ZNF184: variants seen among roughly 807,000 people sequenced by gnomAD.
ZNF184 encodes the protein zinc finger protein 184.
In ZNF184, 16 loss-of-function variants were observed where a neutral mutation model predicts 54.4. That is an observed-to-expected ratio of 0.29 (90% CI 0.20 to 0.45). ZNF184 has a LOEUF of 0.45. ZNF184 is among the 20% of genes least tolerant of loss of function. ZNF184 has a pLI of 1.00. For missense variants in ZNF184, 681 were observed against 888.2 expected (o/e 0.77, Z 2.97); for synonymous variants, 254 against 295.3 (o/e 0.86, Z 1.43).
the ZNF184 span, among the ~76,000 whole-genome samples, chr6:27,410,292 C>G: frequency 1.2e-4 from 18 of 152,180 alleles, no homozygotes; most frequent in Non-Finnish European, 2.4e-4. Context: ...TACTCCAGTT[C>G]TGCCGACTCC....
chr6:27,422,897 C>T, the ZNF184 span, among the ~76,000 whole-genome samples: 72 of 152,322 alleles, frequency 4.7e-4, no homozygotes, highest in Non-Finnish European at 1.2e-4. Context: ...CCCTCGTCCG[C>T]CGGATTCAGT....
At chr6:27,444,221 G>A in the ZNF184 span, among the ~76,000 whole-genome samples, 2 of 151,994 alleles carry the variant, frequency 1.3e-5, no homozygotes, top group Non-Finnish European at 2.9e-5. Context: ...GAAGCAATCA[G>A]GACAGAACTT....
At chr6:27,422,751 G>A in the ZNF184 span, among the ~76,000 whole-genome samples, 3 of 152,096 alleles carry the variant, frequency 2.0e-5, no homozygotes, top group African/African-American at 7.2e-5. Flanking sequence ...GTTACTATCT[G>A]TTCCCCGCAG....
At chr6:27,438,274 G>T in the ZNF184 span, among the ~76,000 whole-genome samples, 1 of 152,096 alleles carries the variant, frequency 6.6e-6, no homozygotes, top group South Asian at 2.1e-4. Flanking sequence ...AGATTGTGAA[G>T]TCTTGAGAAC....
In ZNF184 at chr6:27,453,266, A is replaced by C. The variant is rs767554739; in HGVS notation, c.299-6T>G. The C allele has an allele frequency of 2.6e-6, 4 of 1,566,978 alleles. No individual in the cohort carries two copies. In the East Asian group the frequency reaches 9.0e-5, roughly 35 times the overall value. Reference sequence around the variant, plus strand: ...TTCAAGTCTTGTCTCCCAGTCTAAAAGAAAAAGAAAATTCCAGTGTTCTCT... The same window carrying C: ...TTCAAGTCTTGTCTCCCAGTCTAAACGAAAAAGAAAATTCCAGTGTTCTCT... On this transcript the variant is annotated splice_region_variant and splice_polypyrimidine_tract_variant and intron_variant, in intron 5 of 5. Coordinates refer to ENST00000683788, the MANE Select transcript of ZNF184 (RefSeq NM_001318891.2). This position sits in a 1 kb window ranked among gnomAD's most constrained non-coding sequence, Gnocchi z 4.7.
At chr6:27,433,988 T>TCCTCTCCCTC in the ZNF184 span, among the ~76,000 whole-genome samples, 68 of 147,840 alleles carry the variant, frequency 4.6e-4, no homozygotes, top group African/African-American at 1.2e-3. Flanking sequence ...CTTCCTTCCT[T>TCCTCTCCCTC]CCTTCCTCTC....
At chr6:27,412,540 A>G in the ZNF184 span, among the ~76,000 whole-genome samples, 1 of 152,242 alleles carries the variant, frequency 6.6e-6, no homozygotes, top group Non-Finnish European at 1.5e-5. Context: ...AAGCCACTCC[A>G]TAAGTCAGTA....
rs561143383 is a variant in ZNF184 at position 27,451,210 on chromosome 6, G to A, written c.*93C>T. 6.7e-5 allele frequency: 94 copies of A among 1,406,716 alleles called. No homozygotes were observed. The highest frequency in any genetic ancestry group is 2.2e-4 in the Middle Eastern group (1 of 4,566). The allele number at this position is 1,406,716 out of a possible 1,614,324, so 87.1% of individuals were successfully genotyped here. A position where few individuals can be genotyped will look rare whatever the true frequency, so the allele number is the denominator to read the frequency against. On this transcript the variant is annotated 3_prime_UTR_variant, in exon 6 of 6. Coordinates refer to ENST00000683788, the MANE Select transcript of ZNF184 (RefSeq NM_001318891.2). ...TAGTGAAAATTTAAAAGATTTCAAGGCAGTTTCTAAATCCACTCTGATTCT... is the reference window on the plus strand; with the variant it reads ...TAGTGAAAATTTAAAAGATTTCAAGACAGTTTCTAAATCCACTCTGATTCT...
chr6:27,448,251 T>C (rs1383647200), downstream of ZNF184, among the ~76,000 whole-genome samples: 1 of 152,180 alleles, frequency 6.6e-6, no homozygotes, highest in Non-Finnish European at 1.5e-5. Context: ...CTCACTTTTA[T>C]AGCTAACCCA....
At chr6:27,427,280 C>A in the ZNF184 span, among the ~76,000 whole-genome samples, 1 of 152,016 alleles carries the variant, frequency 6.6e-6, no homozygotes, top group Non-Finnish European at 1.5e-5. Flanking sequence ...CGTTTTTGTA[C>A]TTTATGATTT....
the ZNF184 span, among the ~76,000 whole-genome samples, chr6:27,420,297 C>T: frequency 6.6e-6 from 1 of 152,204 alleles, no homozygotes; most frequent in Non-Finnish European, 1.5e-5. Context: ...TCACATTCAG[C>T]CTGTTCAAAA....
At chr6:27,462,249 G>A (rs1442682021) in intron 3 of ZNF184, among the ~76,000 whole-genome samples, 3 of 151,812 alleles carry the variant, frequency 2.0e-5, no homozygotes, top group Non-Finnish European at 4.4e-5. Context: ...GCAGCCTGGA[G>A]TGCAGTGGCG....
chr6:27,431,824 AC>A, the ZNF184 span, among the ~76,000 whole-genome samples: 2 of 152,010 alleles, frequency 1.3e-5, no homozygotes, highest in Non-Finnish European at 2.9e-5. Context: ...CTGGGATGGC[AC>A]CCCACAAAGG....
chr6:27,439,456 T>G, the ZNF184 span, among the ~76,000 whole-genome samples: 2 of 152,190 alleles, frequency 1.3e-5, no homozygotes, highest in African/African-American at 4.8e-5. Context: ...GCTCCTGACA[T>G]CCAACCATGG....
chr6:27,469,854 A>C (rs2113738482), intron 2 of ZNF184, among the ~76,000 whole-genome samples: 1 of 152,358 alleles, frequency 6.6e-6, no homozygotes, highest in African/African-American at 2.4e-5. Context: ...TTTAGGCATT[A>C]ACCAAGGCTT....
chr6:27,412,482 T>C, the ZNF184 span, among the ~76,000 whole-genome samples: 1 of 152,202 alleles, frequency 6.6e-6, no homozygotes, highest in Non-Finnish European at 1.5e-5. Context: ...CAATTCTCCT[T>C]AGTACTTCCC....
Position 27,450,992 on chromosome 6 carries a change from C to A in ZNF184, c.*311G>T. 4.3e-6 allele frequency: 1 copy of A among 233,464 alleles called. No homozygotes were observed. The highest frequency in any genetic ancestry group is 5.1e-5 in the Admixed American group (1 of 19,506). The allele number at this position is 233,464 out of a possible 1,614,324, so 14.5% of individuals were successfully genotyped here. ...AGCAAAATGCTGATGTATAGTAAAC[C>A]CATTCAAGAAAATATTGTAAATATA... On this transcript the variant is annotated 3_prime_UTR_variant, in exon 6 of 6. Coordinates refer to ENST00000683788, the MANE Select transcript of ZNF184 (RefSeq NM_001318891.2).
the ZNF184 span, among the ~76,000 whole-genome samples, chr6:27,422,847 G>C: frequency 6.6e-6 from 1 of 152,272 alleles, no homozygotes; most frequent in African/African-American, 2.4e-5. Flanking sequence ...CTGACACACA[G>C]GAACTTTCGT....
rs771820166 is a variant in ZNF184 at position 27,451,821 on chromosome 6, G to A, written c.1738C>T (p.His580Tyr). ...CACTTGTAAGGTCGTTCTCCAGTAT[G>A]GATCTTCCTATGCTGAATAAGGGAT... ...GSSLIQHRKIHTGERPYKCNE... is the reference protein window; with the variant it reads ...GSSLIQHRKIYTGERPYKCNE... The change falls in exon 6 of 6, where the codon CAT becomes TAT. Residue 580 changes from histidine (H) to tyrosine (Y), a missense_variant. By Grantham distance (83) the His-to-Tyr change is moderately conservative. Coordinates refer to ENST00000683788, the MANE Select transcript of ZNF184 (RefSeq NM_001318891.2). 6.2e-7 allele frequency: 1 copy of A among 1,613,466 alleles called. No individual in the cohort carries two copies. Among genetic ancestry groups the A allele is most frequent in the Non-Finnish European group, 8.5e-7 (1 of 1,179,998 alleles).
Sources: allele counts gnomAD v4.1 joint callset (sites outside exome capture counted in the v4.1 genomes callset), GRCh38; gene constraint gnomAD v4.1.1; non-coding constraint Gnocchi (gnomAD v3.1); transcripts MANE v1.5; gene names NCBI Gene and HGNC (gene_info 2026-07-23, HGNC 2026-07-21).